The following KIF18A variants were observed in gnomAD, a reference collection of about 807,000 sequenced individuals.
The protein encoded by KIF18A is kinesin family member 18A, also known as kinesin-like protein KIF18A.
KIF18A carries 67 observed loss-of-function variants against 103.3 expected under a neutral mutation model. That is an observed-to-expected ratio of 0.65 (90% CI 0.53 to 0.79). The LOEUF (loss-of-function observed/expected upper bound fraction) is 0.79. Among genes scored for constraint, KIF18A ranks in the 30% least tolerant of loss-of-function variants. The pLI is 0.00. For synonymous variants in KIF18A, 367 were observed against 355.5 expected, an observed-to-expected ratio of 1.03 and a Z score of -0.36; for missense variants, 1,032 against 1,062.5, an observed-to-expected ratio of 0.97 and a Z score of 0.40.
At chr11:28,041,101 C>T (rs1850553226) in intron 13 of KIF18A, among the ~76,000 whole-genome samples, 1 of 151,740 alleles carries the variant, frequency 6.6e-6, no homozygotes, top group African/African-American at 2.4e-5. Context: ...CACTGTTCAT[C>T]CCACCCAATA....
At chr11:28,057,014 C>A in intron 13 of KIF18A, 1 of 269,010 alleles carries the variant, frequency 3.7e-6, no homozygotes, top group South Asian at 3.3e-5. Context: ...ATAAATTGAT[C>A]AATTATTGCT....
At chr11:28,076,962 AT>A in intron 10 of KIF18A, 44 bp downstream of exon 10, 1 of 792,406 alleles carries the variant, frequency 1.3e-6, no homozygotes, top group Non-Finnish European at 1.8e-6. Context: ...AAAAGCCCCC[AT>A]GTTTTTATAC....
At chr11:28,059,612 G>C (rs1265452992) in intron 12 of KIF18A, among the ~76,000 whole-genome samples, 1 of 151,468 alleles carries the variant, frequency 6.6e-6, no homozygotes, top group East Asian at 1.9e-4. Flanking sequence ...TTTATTTTTT[G>C]GTAGAGATGG....
intron 13 of KIF18A, among the ~76,000 whole-genome samples, chr11:28,040,207 A>T (rs1478557078): frequency 6.6e-6 from 1 of 151,740 alleles, no homozygotes; most frequent in Non-Finnish European, 1.5e-5. Context: ...GTAATAAAGA[A>T]CTTTATGTGG....
chr11:28,095,016 G>A (rs186365099), intron 2 of KIF18A, among the ~76,000 whole-genome samples: 3 of 151,910 alleles, frequency 2.0e-5, no homozygotes, highest in African/African-American at 7.2e-5. Flanking sequence ...CACTACCCCC[G>A]GCCCCCCACT....
chr11:28,043,001 G>A (rs1850581081), intron 13 of KIF18A, among the ~76,000 whole-genome samples: 1 of 151,786 alleles, frequency 6.6e-6, no homozygotes, highest in Non-Finnish European at 1.5e-5. Context: ...AAAAGACACT[G>A]GCAGATATCA....
intron 10 of KIF18A, among the ~76,000 whole-genome samples, chr11:28,076,311 A>C (rs1482812859): frequency 6.6e-6 from 1 of 152,130 alleles, no homozygotes; most frequent in Non-Finnish European, 1.5e-5. Flanking sequence ...CTGACAACAA[A>C]AATCTCCTGT....
chr11:28,069,497 T>TC, intron 10 of KIF18A, 74 bp from the exon 11 acceptor site: 1 of 1,349,266 alleles, frequency 7.4e-7, no homozygotes, highest in African/African-American at 1.5e-5. Flanking sequence ...TAAACTAGTA[T>TC]ATTTTCTTAT....
intron 11 of KIF18A, among the ~76,000 whole-genome samples, chr11:28,063,665 T>C (rs1266339140): frequency 6.6e-6 from 1 of 151,990 alleles, no homozygotes; most frequent in African/African-American, 2.4e-5. Flanking sequence ...TCAGAAATTT[T>C]ATTGGAAAAA....
chr11:28,098,089 TTC>T, intron 1 of KIF18A, 96 bp from the exon 2 acceptor site: 1 of 645,874 alleles, frequency 1.5e-6, no homozygotes, highest in Non-Finnish European at 2.5e-6. Context: ...ATGTTAATAA[TTC>T]TGTTTCACTC....
intron 6 of KIF18A, among the ~76,000 whole-genome samples, chr11:28,085,560 C>T (rs1019343234): frequency 8.5e-5 from 13 of 152,166 alleles, no homozygotes; most frequent in African/African-American, 3.1e-4. Flanking sequence ...TCTCTGTTAT[C>T]GGCTACCTAA....
At chr11:28,029,924 T>C (rs1309979626) in intron 15 of KIF18A, among the ~76,000 whole-genome samples, 1 of 86,218 alleles carries the variant, frequency 1.2e-5, no homozygotes, top group African/African-American at 4.6e-5. Flanking sequence ...TGAACTCCCA[T>C]TCACAACTGC....
rs1228389581 is a variant in KIF18A at position 28,021,240 on chromosome 11, C to G, written c.2657G>C (p.Arg886Thr). ...TTTTGAAATATTTCTTCCAAATTTT[C>G]TAACCATGCTTGGATTTATTTTACA... ...NICKINPSMV[R>T]KFGRNISKGN... The change falls in exon 17 of 17, where the codon AGA becomes ACA. Residue 886 changes from arginine to threonine, a missense_variant. Arg to Thr is a moderately conservative substitution (Grantham distance 71). Coordinates refer to ENST00000263181, the MANE Select transcript of KIF18A (RefSeq NM_031217.4). The G allele has an allele frequency of 6.7e-7, 1 of 1,496,172 alleles. No homozygotes were observed. The highest frequency in any genetic ancestry group is 9.0e-7 in the Non-Finnish European group (1 of 1,115,986). The allele number at this position is 1,496,172 out of a possible 1,614,324, so 92.7% of individuals were successfully genotyped here. A position where few individuals can be genotyped will look rare whatever the true frequency, so the allele number is the denominator to read the frequency against.
chr11:28,077,052 G>T lies in KIF18A; in HGVS notation c.1380C>A (p.Cys460Ter). ...NELKSFYQQQCHKQIEMMCSE... is the reference protein window; with the variant it reads ...NELKSFYQQQ Reference sequence around the variant, plus strand: ...AACACATCATTTCTATTTGTTTATGGCACTGTTGTTGGTAGAATGATTTAA... The same window carrying T: ...AACACATCATTTCTATTTGTTTATGTCACTGTTGTTGGTAGAATGATTTAA... The change falls in exon 10 of 17, where the codon TGC (cysteine) becomes TGA (stop). Residue 460 changes from cysteine to a stop codon, truncating the protein, a stop_gained. Transcript: ENST00000263181. LOFTEE classifies it high-confidence loss of function. The T allele has an allele frequency of 6.4e-7, 1 of 1,569,666 alleles. No individual in the cohort carries two copies. Among genetic ancestry groups the T allele is most frequent in the Non-Finnish European group, 8.6e-7 (1 of 1,158,848 alleles).
intron 10 of KIF18A, among the ~76,000 whole-genome samples, chr11:28,071,934 G>C (rs954618489): frequency 2.0e-5 from 3 of 152,108 alleles, no homozygotes; most frequent in African/African-American, 7.2e-5. Flanking sequence ...TGTGGGTCTG[G>C]TGGCAGCAAT....
At chr11:28,084,164 C>T (rs902964141) in intron 7 of KIF18A, 1 of 151,940 alleles carries the variant, frequency 6.6e-6, no homozygotes, top group Non-Finnish European at 1.5e-5. Context: ...GTAGAAAAGA[C>T]TTTTTAAAAA....
chr11:28,068,494 A>G (rs906126286), intron 11 of KIF18A, among the ~76,000 whole-genome samples: 3 of 150,656 alleles, frequency 2.0e-5, no homozygotes, highest in Admixed American at 6.6e-5. Context: ...AAAAAAAAAG[A>G]CAATCTTTTC....
At chr11:28,061,414 TC>T (rs1462143309) in intron 12 of KIF18A, among the ~76,000 whole-genome samples, 1 of 152,062 alleles carries the variant, frequency 6.6e-6, no homozygotes, top group African/African-American at 2.4e-5. Flanking sequence ...TTAGTCTTTT[TC>T]CCCCCATTTT....
At chr11:28,030,236 C>A (rs945050977) in intron 15 of KIF18A, among the ~76,000 whole-genome samples, 3 of 150,092 alleles carry the variant, frequency 2.0e-5, no homozygotes, top group African/African-American at 7.4e-5. Context: ...AATCCTAAGG[C>A]AAAAGAACAA....
Sources: gnomAD v4.1 joint callset for allele counts (sites outside exome capture counted in the v4.1 genomes callset) on GRCh38, gnomAD v4.1.1 for gene constraint, MANE v1.5 for transcripts, NCBI Gene and HGNC (gene_info 2026-07-23, HGNC 2026-07-21) for gene names.